Variants in DLG2 observed in about 807,000 individuals in gnomAD.
DLG2 encodes the protein disks large homolog 2.
DLG2 carries 45 observed loss-of-function variants against 132.5 expected under a neutral mutation model. The ratio of observed to expected loss-of-function variants is 0.34; its 90% confidence interval spans 0.27 to 0.44. The LOEUF is 0.44. Among genes scored for constraint, DLG2 ranks in the 20% least tolerant of loss-of-function variants. The pLI, the probability that DLG2 is intolerant of heterozygous loss-of-function variation, is 1.00. For synonymous variants in DLG2, 424 were observed against 419.6 expected, an observed-to-expected ratio of 1.01 and a Z score of -0.13; for missense variants, 1,045 against 1,196.9, an observed-to-expected ratio of 0.87 and a Z score of 1.87.
chr11:85,265,503 C>G (rs957582733), intron 4 of DLG2, among the ~76,000 whole-genome samples: 1 of 152,174 alleles, frequency 6.6e-6, no homozygotes, highest in African/African-American at 2.4e-5. Context: ...CTGGCCCCCA[C>G]GACATACTGA....
intron 6 of DLG2, among the ~76,000 whole-genome samples, chr11:84,766,385 T>G (rs1286805149): frequency 6.6e-6 from 1 of 152,072 alleles, no homozygotes; most frequent in African/African-American, 2.4e-5. Context: ...ATGAGTACAG[T>G]GACCATGTCT....
At chr11:84,436,685 G>T (rs900110578) in intron 7 of DLG2, among the ~76,000 whole-genome samples, 1 of 152,074 alleles carries the variant, frequency 6.6e-6, no homozygotes, top group African/African-American at 2.4e-5. Context: ...ATATACCTTA[G>T]GACTTACAGG....
At chr11:83,891,531 C>T (rs193108397) in intron 15 of DLG2, among the ~76,000 whole-genome samples, 371 of 152,214 alleles carry the variant, frequency 2.4e-3, no homozygotes, top group African/African-American at 8.6e-3. Flanking sequence ...CTTTCATGAT[C>T]CTCAGGTTTA....
At chr11:85,084,325 G>T (rs2067627391) in intron 6 of DLG2, among the ~76,000 whole-genome samples, 1 of 152,164 alleles carries the variant, frequency 6.6e-6, no homozygotes, top group African/African-American at 2.4e-5. Context: ...AGGAAAGTCA[G>T]AATATGTGGT....
intron 3 of DLG2, among the ~76,000 whole-genome samples, chr11:85,459,997 T>G (rs73501900): frequency 0.012 from 1,862 of 152,232 alleles, 40 homozygotes; most frequent in African/African-American, 0.042. Context: ...GAAGGCTATA[T>G]TGGCAGGGGC....
intron 10 of DLG2, among the ~76,000 whole-genome samples, chr11:84,072,035 A>G (rs2096765295): frequency 1.3e-5 from 2 of 152,264 alleles, no homozygotes; most frequent in Non-Finnish European, 2.9e-5. Context: ...GTGCCTTGGC[A>G]CTGAGCTGTC....
chr11:84,876,137 G>A (rs551472734), intron 6 of DLG2, among the ~76,000 whole-genome samples: 1 of 152,270 alleles, frequency 6.6e-6, no homozygotes, highest in African/African-American at 2.4e-5. Context: ...AATGAGACAA[G>A]TTAAGCAACT....
intron 3 of DLG2, among the ~76,000 whole-genome samples, chr11:85,354,277 CT>C (rs1335147605): frequency 7.2e-5 from 11 of 152,176 alleles, no homozygotes; most frequent in Non-Finnish European, 1.3e-4. Flanking sequence ...TAAATTAAAA[CT>C]AACTTAAAAA....
chr11:85,251,724 T>G (rs1199373034), intron 4 of DLG2, among the ~76,000 whole-genome samples: 1 of 152,160 alleles, frequency 6.6e-6, no homozygotes, highest in Non-Finnish European at 1.5e-5. Context: ...CATTAATAAG[T>G]ATACAGCCAG....
At chr11:84,208,567 C>T (rs1468848630) in intron 8 of DLG2, among the ~76,000 whole-genome samples, 3 of 152,078 alleles carry the variant, frequency 2.0e-5, no homozygotes, top group Non-Finnish European at 2.9e-5. Flanking sequence ...TGGTCTCGAA[C>T]TACTGAACTC....
intron 7 of DLG2, among the ~76,000 whole-genome samples, chr11:84,508,438 C>A (rs1449952948): frequency 6.8e-6 from 1 of 146,950 alleles, no homozygotes; most frequent in African/African-American, 2.5e-5. Flanking sequence ...CAGAGTCTCG[C>A]TGTTGCCAGG....
rs1893050 is a variant in DLG2 at position 84,917,050 on chromosome 11, T to C, written c.357+194611A>G. ...CCATGATTTTTTGACTTAGCACTTA[T>C]CACTATGTACTATGTATTTTACTTA... is the stretch of plus-strand genomic sequence containing the variant. On this transcript the variant is annotated intron_variant, in intron 6 of 27. Transcript: ENST00000376104. 2.8e-3 allele frequency among the ~76,000 whole-genome samples: 423 copies of C among 152,350 alleles called. 15 individuals carry two copies. In the East Asian group the frequency reaches 0.074, roughly 27 times the overall value.
In DLG2 at chr11:84,225,968, G is replaced by A. The variant is rs553466786; in HGVS notation, c.573+25270C>T. Among the ~76,000 whole-genome samples, 248 of 152,034 alleles carry A rather than the reference G, an allele frequency of 1.6e-3. 2 individuals are homozygous for A. The highest frequency in any genetic ancestry group is 5.5e-3 in the African/African-American group (228 of 41,500). On this transcript the variant is annotated intron_variant, in intron 8 of 27. Transcript: ENST00000376104. ...TGGGATTACAGGCACAGGCCACCAC[G>A]CCTGGCTAATTTTTGTATTTTTAGT...
At chr11:84,213,847 A>G (rs1414651490) in intron 8 of DLG2, among the ~76,000 whole-genome samples, 2 of 151,068 alleles carry the variant, frequency 1.3e-5, no homozygotes, top group African/African-American at 4.9e-5. Flanking sequence ...GAAAAAAAAA[A>G]AGGATGTAAG....
At position 83,787,340 on chromosome 11, in the gene DLG2, T is replaced by TTTTTTTTTTTG. The variant is rs66699053; in HGVS notation, c.1723-549_1723-548insCAAAAAAAAAA. Among the ~76,000 whole-genome samples the TTTTTTTTTTTG allele has an allele frequency of 1.2e-3, 119 of 102,708 alleles. 31 individuals are homozygous for TTTTTTTTTTTG. The highest frequency in any genetic ancestry group is 3.0e-3 in the East Asian group (10 of 3,382). 67.4% of individuals were successfully genotyped at this position (102,708 alleles called of 152,430 possible). A position where few individuals can be genotyped will look rare whatever the true frequency, so the allele number is the denominator to read the frequency against. On this transcript the variant is annotated intron_variant, in intron 17 of 27. Transcript: ENST00000376104. ...TTTTTTTTGTTTTTTTTTTTTTTTT[T>TTTTTTTTTTTG]AGACAGAGTCTCGCTCTTTCGCCCA...
At chr11:85,267,581 A>G (rs1458141879) in intron 4 of DLG2, among the ~76,000 whole-genome samples, 1 of 152,152 alleles carries the variant, frequency 6.6e-6, no homozygotes, top group Non-Finnish European at 1.5e-5. Context: ...TGACACAGTA[A>G]CACCAAAACC....
At chr11:83,988,343 T>G (rs755889301) in intron 11 of DLG2, among the ~76,000 whole-genome samples, 8 of 152,122 alleles carry the variant, frequency 5.3e-5, no homozygotes, top group Admixed American at 1.3e-4. Flanking sequence ...TTCAATTTTC[T>G]GCATGTGGCT....
intron 25 of DLG2, among the ~76,000 whole-genome samples, chr11:83,468,352 T>G (rs1187807007): frequency 6.6e-6 from 1 of 152,158 alleles, no homozygotes; most frequent in African/African-American, 2.4e-5. Flanking sequence ...GGTTGATTAT[T>G]CACCAGTCAG....
At chr11:85,402,757 G>C (rs888909077) in intron 3 of DLG2, among the ~76,000 whole-genome samples, 2 of 152,124 alleles carry the variant, frequency 1.3e-5, no homozygotes, top group African/African-American at 4.8e-5. Context: ...ATCACCACTG[G>C]TCATTAGAGA....
Sources: allele counts gnomAD v4.1 joint callset (sites outside exome capture counted in the v4.1 genomes callset), GRCh38; gene constraint gnomAD v4.1.1; transcripts MANE v1.5; gene names NCBI Gene and HGNC (gene_info 2026-07-23, HGNC 2026-07-21).